The following OPCML variants were observed in gnomAD, a reference collection of about 807,000 sequenced individuals.
The protein encoded by OPCML is opioid binding protein/cell adhesion molecule like, also known as opioid-binding protein/cell adhesion molecule.
A neutral mutation model predicts 37.8 loss-of-function variants in OPCML; 13 were observed. The ratio of observed to expected loss-of-function variants is 0.34; its 90% CI spans 0.22 to 0.55. The LOEUF (loss-of-function observed/expected upper bound fraction) is 0.55, where lower values mean the gene tolerates loss of function less well. Among genes scored for constraint, OPCML ranks in the 20% least tolerant of loss-of-function variants. OPCML has a pLI of 0.91. For synonymous variants in OPCML, 176 were observed against 168.8 expected (o/e 1.04, Z -0.33); for missense variants, 341 against 435.6 (o/e 0.78, Z 1.93).
intron 1 of OPCML, among the ~76,000 whole-genome samples, chr11:133,373,448 T>TACACACAC (rs1555147606): frequency 1.9e-4 from 25 of 132,070 alleles, no homozygotes; most frequent in African/African-American, 7.5e-4. Context: ...TATATATATA[T>TACACACAC]ACACACACAC....
chr11:132,902,115 A>C (rs2136503998), intron 2 of OPCML, among the ~76,000 whole-genome samples: 1 of 152,330 alleles, frequency 6.6e-6, no homozygotes, highest in Non-Finnish European at 1.5e-5. Flanking sequence ...AGGCCAGATC[A>C]GAGGAAATGG....
chr11:132,610,951 A>T (rs1340483142), intron 3 of OPCML, among the ~76,000 whole-genome samples: 1 of 152,186 alleles, frequency 6.6e-6, no homozygotes. Flanking sequence ...TTAAAGCCCC[A>T]TGGTGAGCAA....
chr11:132,700,124 T>C (rs1330543054), intron 2 of OPCML, among the ~76,000 whole-genome samples: 3 of 152,048 alleles, frequency 2.0e-5, no homozygotes, highest in African/African-American at 7.2e-5. Context: ...TCTCTTATGA[T>C]CTTTTGTGTT....
At chr11:132,528,476 C>T (rs2096314664) in intron 4 of OPCML, among the ~76,000 whole-genome samples, 1 of 152,162 alleles carries the variant, frequency 6.6e-6, no homozygotes, top group African/African-American at 2.4e-5. Flanking sequence ...CTTCTGGTTC[C>T]CTTGCTATTA....
At chr11:133,270,376 A>G (rs1358078706) in intron 1 of OPCML, among the ~76,000 whole-genome samples, 1 of 152,182 alleles carries the variant, frequency 6.6e-6, no homozygotes, top group Non-Finnish European at 1.5e-5. Flanking sequence ...AGAAAAAAAA[A>G]ACCATCTCTT....
chr11:132,595,596 A>G (rs2137736364), intron 3 of OPCML, among the ~76,000 whole-genome samples: 2 of 152,216 alleles, frequency 1.3e-5, no homozygotes, highest in Middle Eastern at 6.8e-3. Context: ...TCTGGGGGAG[A>G]TGGGGCATGT....
chr11:132,823,909 T>C (rs1379217705), intron 2 of OPCML, among the ~76,000 whole-genome samples: 2 of 152,164 alleles, frequency 1.3e-5, no homozygotes, highest in Admixed American at 6.5e-5. Flanking sequence ...TCTTCTGACA[T>C]GCACTCTCTT....
intron 3 of OPCML, among the ~76,000 whole-genome samples, chr11:132,619,710 G>A (rs1016179385): frequency 8.6e-5 from 13 of 151,230 alleles, no homozygotes; most frequent in East Asian, 3.9e-4. Context: ...AAATTAGCCG[G>A]GCGTGGTGGC....
At chr11:133,485,400 G>A (rs769579356) in intron 1 of OPCML, among the ~76,000 whole-genome samples, 5 of 152,070 alleles carry the variant, frequency 3.3e-5, no homozygotes, top group Admixed American at 1.3e-4. Flanking sequence ...AATGAACAGG[G>A]AAGTCACCCA....
chr11:132,524,512 T>C (rs924381852), intron 4 of OPCML, among the ~76,000 whole-genome samples: 1 of 152,204 alleles, frequency 6.6e-6, no homozygotes, highest in African/African-American at 2.4e-5. Flanking sequence ...TAAGTATAGA[T>C]TTTTGTATCT....
At chr11:133,520,072 C>A (rs930120030) in intron 1 of OPCML, among the ~76,000 whole-genome samples, 1 of 152,100 alleles carries the variant, frequency 6.6e-6, no homozygotes, top group African/African-American at 2.4e-5. Flanking sequence ...AGGGTTAGAG[C>A]AGCTCTCCAC....
rs571284921 is a variant in OPCML, at chr11:133,174,581, T to C, written c.62-231571A>G. 8.1e-4 allele frequency among the ~76,000 whole-genome samples: 120 copies of C among 147,488 alleles called. No individual in the cohort carries two copies. Among genetic ancestry groups the C allele is most frequent in the African/African-American group, 2.5e-3 (98 of 39,646 alleles). On this transcript the variant is annotated intron_variant, in intron 1 of 7. Transcript: ENST00000524381. This position sits in a 1 kb window ranked among gnomAD's most constrained non-coding sequence, Gnocchi z 4.6. ...GTCGAAAAGAGTTGTACTCTATCTA[T>C]ACAGTAAGTATATGCATTTATTTGT... is the stretch of plus-strand genomic sequence containing the variant.
chr11:133,512,264 C>A (rs577769349), intron 1 of OPCML, among the ~76,000 whole-genome samples: 2 of 152,328 alleles, frequency 1.3e-5, no homozygotes, highest in South Asian at 2.1e-4. Context: ...ACCACCCAGT[C>A]TTTGATTGAT....
At chr11:132,912,563 T>C (rs1474427099) in intron 2 of OPCML, among the ~76,000 whole-genome samples, 1 of 152,180 alleles carries the variant, frequency 6.6e-6, no homozygotes, top group East Asian at 1.9e-4. Flanking sequence ...TACTTACAAA[T>C]GAAATGAAAG....
At chr11:132,468,251 C>T (rs2212480) in intron 4 of OPCML, among the ~76,000 whole-genome samples, 64,819 of 151,984 alleles carry the variant, frequency 0.43, 15,493 homozygotes, top group East Asian at 0.86. Context: ...TTGTAAATGC[C>T]CCTGTAGCCA....
chr11:132,816,164 A>G (rs900268312), intron 2 of OPCML, among the ~76,000 whole-genome samples: 16 of 152,246 alleles, frequency 1.1e-4, no homozygotes, highest in South Asian at 2.1e-4. Context: ...AAAATCACGT[A>G]GGATGATACT....
At chr11:132,982,131 C>T (rs191015916) in intron 1 of OPCML, among the ~76,000 whole-genome samples, 8 of 152,266 alleles carry the variant, frequency 5.3e-5, no homozygotes, top group Non-Finnish European at 8.8e-5. Context: ...CAGACCAATT[C>T]GGCTACTCTT....
chr11:133,439,363 C>T (rs1946310790), intron 1 of OPCML: 3 of 985,102 alleles, frequency 3.0e-6, no homozygotes, highest in Non-Finnish European at 3.6e-6. Context: ...CTCCACCATG[C>T]CACACCTAGA....
chr11:133,291,425 A>T (rs1221768604), intron 1 of OPCML, among the ~76,000 whole-genome samples: 4 of 151,976 alleles, frequency 2.6e-5, no homozygotes. Flanking sequence ...GGAAATCTAC[A>T]CCCTGGCCCC....
Sources: gnomAD v4.1 joint callset for allele counts (sites outside exome capture counted in the v4.1 genomes callset) on GRCh38, gnomAD v4.1.1 for gene constraint, Gnocchi (gnomAD v3.1) non-coding constraint, MANE v1.5 for transcripts, NCBI Gene and HGNC (gene_info 2026-07-23, HGNC 2026-07-21) for gene names.